Variants in TMPRSS6 observed in about 807,000 individuals in gnomAD.
TMPRSS6 encodes the protein transmembrane serine protease 6.
A neutral mutation model predicts 101.5 loss-of-function variants in TMPRSS6; 67 were observed. That is an observed-to-expected ratio of 0.66 (90% CI 0.54 to 0.81). The LOEUF (loss-of-function observed/expected upper bound fraction) is 0.81, where lower values mean the gene tolerates loss of function less well. Among genes scored for constraint, TMPRSS6 ranks in the 30% least tolerant of loss-of-function variants. The pLI is 0.00. For synonymous variants in TMPRSS6, 453 were observed against 464.9 expected (o/e 0.97, Z 0.33); for missense variants, 1,034 against 1,088.7 (o/e 0.95, Z 0.71).
intron 5 of TMPRSS6, 37 bp from the exon 6 acceptor site, chr22:37,095,629 C>CAAAAAAAAAAAAAAAAAAAAAAAAAAACA: frequency 8.5e-7 from 1 of 1,176,574 alleles, no homozygotes; most frequent in East Asian, 2.7e-5. Context: ...TAAACAAGAA[C>CAAAAAAAAAAAAAAAAAAAAAAAAAAACA]AAAAAAAAAA....
chr22:37,103,473 C>T lies in TMPRSS6; in HGVS notation c.-1-55G>A, dbSNP rs975063653. On this transcript the variant is annotated intron_variant, in intron 1 of 17. Transcript: ENST00000676104. This position sits in a 1 kb window ranked among gnomAD's most constrained non-coding sequence, Gnocchi z 4.4. ...CAGCCTCGCATTTGCAAGGGAGCCT[C>T]TGCTGAGCACCGGTGGGGCACGGAA... The T allele has an allele frequency of 2.7e-5, 43 of 1,614,252 alleles. No homozygotes were observed. Among genetic ancestry groups the T allele is most frequent in the Non-Finnish European group, 3.6e-5 (43 of 1,180,050 alleles).
chr22:37,082,623 C>T (rs1207380757), intron 10 of TMPRSS6: 6 of 219,512 alleles, frequency 2.7e-5, no homozygotes, highest in Non-Finnish European at 5.4e-5. Flanking sequence ...CCAGAGGTGC[C>T]CCCATCATGC....
At chr22:37,091,721 A>C (rs1396575402) in intron 6 of TMPRSS6, among the ~76,000 whole-genome samples, 1 of 152,216 alleles carries the variant, frequency 6.6e-6, no homozygotes, top group Non-Finnish European at 1.5e-5. Flanking sequence ...GTAGATGTTC[A>C]CTACCTCTGG....
At chr22:37,074,804 C>T in intron 11 of TMPRSS6, 96 bp from the exon 12 acceptor site, 1 of 1,306,482 alleles carries the variant, frequency 7.7e-7, no homozygotes, top group Non-Finnish European at 1.1e-6. Flanking sequence ...CCTGTTCACT[C>T]ACACGCGCAT....
chr22:37,095,833 C>A, intron 5 of TMPRSS6, 73 bp downstream of exon 5: 2 of 1,585,842 alleles, frequency 1.3e-6, no homozygotes, highest in East Asian at 2.2e-5. Context: ...CAGGCAGCCT[C>A]CCCGGGCCAC....
At position 37,065,744 on chromosome 22, in the gene TMPRSS6, C is replaced by T; in HGVS notation, c.*336G>A. On this transcript the variant is annotated 3_prime_UTR_variant, in exon 18 of 18. Coordinates refer to ENST00000676104, the MANE Select transcript of TMPRSS6 (RefSeq NM_001374504.1). ...CAGAGTGGGGCGCACCTCAGACACT[C>T]CTCGGGATGTAGAACCAGCATTCTT... 2.6e-6 allele frequency: 1 copy of T among 388,596 alleles called. No homozygotes were observed. Among genetic ancestry groups the T allele is most frequent in the Non-Finnish European group, 4.9e-6 (1 of 204,560 alleles). The allele number at this position is 388,596 out of a possible 1,614,324, so 24.1% of individuals were successfully genotyped here.
At chr22:37,084,215 A>G (rs1444807610) in intron 10 of TMPRSS6, 80 bp downstream of exon 10, 1 of 1,216,504 alleles carries the variant, frequency 8.2e-7, no homozygotes, top group African/African-American at 1.5e-5. Context: ...TGGGCTTCCA[A>G]TGAGGGGGTC....
chr22:37,100,219 G>A (rs1423956888), intron 2 of TMPRSS6, among the ~76,000 whole-genome samples: 4 of 152,224 alleles, frequency 2.6e-5, no homozygotes, highest in Admixed American at 1.3e-4. Flanking sequence ...CATCTGCCTC[G>A]GCCTCCCAAA....
intron 17 of TMPRSS6, 103 bp downstream of exon 17, chr22:37,066,723 A>T (rs1035497303): frequency 6.6e-7 from 1 of 1,504,738 alleles, no homozygotes; most frequent in South Asian, 1.2e-5. Context: ...TGCTGGGAGG[A>T]TGGGAGGCTT....
In TMPRSS6 at chr22:37,106,946, G is replaced by A. The variant is rs1189107169; in HGVS notation, c.-2+2557C>T. On this transcript the variant is annotated intron_variant, in intron 1 of 17. Transcript: ENST00000676104. The stretch of plus-strand genomic sequence containing the variant: ...CCCTCCCCTGGGCAGCCCTTGATCA[G>A]ATCAAGAATATGCCTTGGCTTTGGG... Among the ~76,000 whole-genome samples, 3 of 152,342 alleles carry A rather than the reference G, an allele frequency of 2.0e-5. No homozygotes were observed. The East Asian group carries it at 5.8e-4, about 29-fold the overall frequency.
In TMPRSS6 at chr22:37,106,188, T is replaced by G. The variant is rs189297485; in HGVS notation, c.-1-2770A>C. 1.8e-3 allele frequency among the ~76,000 whole-genome samples: 278 copies of G among 152,086 alleles called. 2 individuals are homozygous for G. The highest frequency in any genetic ancestry group is 6.4e-3 in the African/African-American group (265 of 41,464). ...GAGAGGTTGAGCAGCTTGGCTAAGGTCACACAGCTGGTCAGCAGCACAGCC... is the reference window on the plus strand; with the variant it reads ...GAGAGGTTGAGCAGCTTGGCTAAGGGCACACAGCTGGTCAGCAGCACAGCC... On this transcript the variant is annotated intron_variant, in intron 1 of 17. Transcript: ENST00000676104.
chr22:37,107,182 C>G (rs948493343), intron 1 of TMPRSS6, among the ~76,000 whole-genome samples: 2 of 152,188 alleles, frequency 1.3e-5, no homozygotes, highest in African/African-American at 4.8e-5. Flanking sequence ...GGGGCATGGA[C>G]AATGGTGTGG....
At position 37,103,564 on chromosome 22, in the gene TMPRSS6, T is replaced by A. The variant is rs1361800854; in HGVS notation, c.-1-146A>T. The A allele has an allele frequency of 6.2e-7, 1 of 1,613,600 alleles. No individual in the cohort carries two copies. Among genetic ancestry groups the A allele is most frequent in the Admixed American group, 1.7e-5 (1 of 60,004 alleles). On this transcript the variant is annotated intron_variant, in intron 1 of 17. Coordinates refer to ENST00000676104, the MANE Select transcript of TMPRSS6 (RefSeq NM_001374504.1). This position sits in a 1 kb window ranked among gnomAD's most constrained non-coding sequence, Gnocchi z 4.4. ...TCAGGCGGCAGTGACTGCAAGTGGGTGCCGAGACAGCTCACAGAGGAGGGA... is the reference window on the plus strand; with the variant it reads ...TCAGGCGGCAGTGACTGCAAGTGGGAGCCGAGACAGCTCACAGAGGAGGGA...
intron 8 of TMPRSS6, among the ~76,000 whole-genome samples, 163 bp downstream of exon 8, chr22:37,086,120 G>C (rs1016219958): frequency 6.6e-6 from 1 of 150,822 alleles, no homozygotes. Flanking sequence ...GGAAGGAAGA[G>C]GGGGGCCGGG....
rs1601508826 is a variant in TMPRSS6 at position 37,065,882 on chromosome 22, C to T, written c.*198G>A. On this transcript the variant is annotated 3_prime_UTR_variant, in exon 18 of 18. Transcript: ENST00000676104. ...CCTGGGTCCTCAGGGGACGTCTTGA[C>T]CCCCAGCTGCTGGCACTTCTCCATC... The T allele has an allele frequency of 4.4e-6, 3 of 687,942 alleles. No homozygotes were observed. Among genetic ancestry groups the T allele is most frequent in the African/African-American group, 3.6e-5 (2 of 55,964 alleles). 42.6% of individuals were successfully genotyped at this position (687,942 alleles called of 1,614,324 possible). A position where few individuals can be genotyped will look rare whatever the true frequency, so the allele number is the denominator to read the frequency against.
At chr22:37,091,453 G>A (rs1929254713) in intron 6 of TMPRSS6, among the ~76,000 whole-genome samples, 1 of 152,164 alleles carries the variant, frequency 6.6e-6, no homozygotes, top group African/African-American at 2.4e-5. Context: ...GGGGGTATAT[G>A]GGGAGGGAAC....
chr22:37,081,618 C>T lies in TMPRSS6; in HGVS notation c.1196+2677G>A, dbSNP rs943111389. Among the ~76,000 whole-genome samples, 5 of 152,266 alleles carry T rather than the reference C, an allele frequency of 3.3e-5. No individual in the cohort carries two copies. The East Asian group carries it at 7.7e-4, about 24-fold the overall frequency. ...TGCCAGCCCCTGCTGAGCACTTCCA[C>T]CCCCGTGTGGCGAGGGAGGACTGAA... On this transcript the variant is annotated intron_variant, in intron 10 of 17. Coordinates refer to ENST00000676104, the MANE Select transcript of TMPRSS6 (RefSeq NM_001374504.1).
At position 37,096,637 on chromosome 22, in the gene TMPRSS6, G is replaced by A. The variant is rs1413945932; in HGVS notation, c.404+11C>T. ...TCTTGCAGGAGCTGGTCAGGGGCAAGGACAACTCACCCAAAGGAATAGACG... is the reference window on the plus strand; with the variant it reads ...TCTTGCAGGAGCTGGTCAGGGGCAAAGACAACTCACCCAAAGGAATAGACG... On this transcript the variant is annotated intron_variant, in intron 4 of 17. Coordinates refer to ENST00000676104, the MANE Select transcript of TMPRSS6 (RefSeq NM_001374504.1). The A allele has an allele frequency of 6.4e-7, 1 of 1,559,216 alleles. No homozygotes were observed. The highest frequency in any genetic ancestry group is 8.7e-7 in the Non-Finnish European group (1 of 1,150,650).
At chr22:37,108,774 C>T (rs1002327225) in intron 1 of TMPRSS6, among the ~76,000 whole-genome samples, 5 of 152,132 alleles carry the variant, frequency 3.3e-5, no homozygotes, top group Admixed American at 6.5e-5. Flanking sequence ...ATGACTTACC[C>T]GAGGTCCCTC....
Sources: allele counts gnomAD v4.1 joint callset (sites outside exome capture counted in the v4.1 genomes callset), GRCh38; gene constraint gnomAD v4.1.1; non-coding constraint Gnocchi (gnomAD v3.1); transcripts MANE v1.5; gene names NCBI Gene and HGNC (gene_info 2026-07-23, HGNC 2026-07-21).